The following EPHA3 variants were observed in gnomAD, a reference collection of about 807,000 sequenced individuals.
EPHA3 encodes EPH receptor A3.
EPHA3 carries 42 observed loss-of-function variants against 107.1 expected under a neutral mutation model. The ratio of observed to expected loss-of-function variants is 0.39; its 90% CI spans 0.31 to 0.51. The LOEUF is 0.51. EPHA3 is among the 20% of genes least tolerant of loss of function. The probability of loss-of-function intolerance (pLI) is 0.78; values close to 1 mark genes in which losing one functional copy is unlikely to be tolerated. For missense variants in EPHA3, 1,183 were observed against 1,211.2 expected, an observed-to-expected ratio of 0.98 and a Z score of 0.35; for synonymous variants, 461 against 424.8, an observed-to-expected ratio of 1.09 and a Z score of -1.05.
chr3:89,448,462 C>G (rs1709922401), intron 13 of EPHA3, among the ~76,000 whole-genome samples: 1 of 152,112 alleles, frequency 6.6e-6, no homozygotes. Flanking sequence ...GGTTGACAAT[C>G]AGTACATCTT....
intron 1 of EPHA3, among the ~76,000 whole-genome samples, chr3:89,119,853 T>C (rs186760704): frequency 6.6e-6 from 1 of 152,278 alleles, no homozygotes; most frequent in African/African-American, 2.4e-5. Context: ...ATTCTTTGTT[T>C]CCTATGCTAG....
In EPHA3 at chr3:89,419,388, A is replaced by G. The variant is rs1350231020; in HGVS notation, c.2072A>G (p.Lys691Arg). ...ATTCGACTGGAAGGAGTTGTTACCA[A>G]AAGTAAGTAAAGTAGTCATAAGACC... Reference protein sequence around the residue: ...NIIRLEGVVTKSKPVMIVTEY... With the variant: ...NIIRLEGVVTRSKPVMIVTEY... The change falls in exon 11 of 17, where the codon AAA becomes AGA. Residue 691 changes from lysine to arginine, a missense_variant and splice_region_variant. Coordinates refer to ENST00000336596, the MANE Select transcript of EPHA3 (RefSeq NM_005233.6). 1.3e-6 allele frequency: 2 copies of G among 1,584,384 alleles called. No individual in the cohort carries two copies. Among genetic ancestry groups the G allele is most frequent in the Non-Finnish European group, 1.7e-6 (2 of 1,166,262 alleles).
Position 89,419,232 on chromosome 3 carries a change from G to T in EPHA3, c.1916G>T (p.Arg639Leu). The change falls in exon 11 of 17, where the codon CGC becomes CTC. Residue 639 changes from arginine to leucine, a missense_variant. Transcript: ENST00000336596. ...AGEFGEVCSG[R>L]LKLPSKKEIS... is the part of the protein sequence containing the mutation. ...GAATTTGGAGAGGTGTGCAGTGGTC[G>T]CTTAAAACTTCCTTCAAAAAAAGAG... is the stretch of plus-strand genomic sequence containing the variant. The T allele has an allele frequency of 6.2e-7, 1 of 1,608,822 alleles. No individual in the cohort carries two copies. Among genetic ancestry groups the T allele is most frequent in the Non-Finnish European group, 8.5e-7 (1 of 1,176,942 alleles).
At chr3:89,316,017 C>CT (rs919225127) in intron 3 of EPHA3, among the ~76,000 whole-genome samples, 3 of 151,776 alleles carry the variant, frequency 2.0e-5, no homozygotes, top group African/African-American at 7.3e-5. Context: ...CTTGAAATGC[C>CT]TTTTTAAATA....
At chr3:89,139,916 C>T (rs1704392195) in intron 2 of EPHA3, among the ~76,000 whole-genome samples, 4 of 151,822 alleles carry the variant, frequency 2.6e-5, no homozygotes. Flanking sequence ...GAGTGTCATG[C>T]ATTGCAGCAG....
Position 89,395,964 on chromosome 3 carries a change from G to A in EPHA3, c.1431+3G>A, listed in dbSNP as rs1708842676. On this transcript the variant is annotated splice_donor_region_variant and intron_variant, in intron 6 of 16. Transcript: ENST00000336596. ...ACGAGGTCAAATACTATGAAAAGGT[G>A]GGGAAACAATGTTTAAGGGTTGGGC... 1 of 1,613,672 alleles carries A rather than the reference G, an allele frequency of 6.2e-7. No homozygotes were observed. The highest frequency in any genetic ancestry group is 8.5e-7 in the Non-Finnish European group (1 of 1,179,798).
chr3:89,412,330 A>G lies in EPHA3; in HGVS notation c.1763-811A>G, dbSNP rs192106968. On this transcript the variant is annotated intron_variant, in intron 9 of 16. Coordinates refer to ENST00000336596, the MANE Select transcript of EPHA3 (RefSeq NM_005233.6). ...TTTTACCTTCAGAATAATTTAATGA[A>G]TAAATATAATATGAAGGAGATTTTT... 1.2e-3 allele frequency among the ~76,000 whole-genome samples: 177 copies of G among 151,796 alleles called. 1 individual carries two copies. In the Middle Eastern group the frequency reaches 0.014, roughly 12 times the overall value.
At chr3:89,472,396 C>T (rs1710420852) in intron 15 of EPHA3, 68 bp from the exon 16 acceptor site, 4 of 1,519,230 alleles carry the variant, frequency 2.6e-6, no homozygotes, top group Non-Finnish European at 3.6e-6. Context: ...ATGTTAGTGT[C>T]AAATTTTGAC....
chr3:89,404,786 T>C (rs188551915), intron 7 of EPHA3, among the ~76,000 whole-genome samples: 1 of 152,302 alleles, frequency 6.6e-6, no homozygotes, highest in Non-Finnish European at 1.5e-5. Flanking sequence ...TTTTCTCCTA[T>C]CATAGTTCCC....
At chr3:89,312,096 T>G (rs1272795381) in intron 3 of EPHA3, among the ~76,000 whole-genome samples, 1 of 152,064 alleles carries the variant, frequency 6.6e-6, no homozygotes, top group Non-Finnish European at 1.5e-5. Flanking sequence ...CAGTTTTCTA[T>G]GGTCAGCACA....
chr3:89,200,097 C>G (rs1705936170), intron 2 of EPHA3, among the ~76,000 whole-genome samples: 1 of 152,096 alleles, frequency 6.6e-6, no homozygotes, highest in Non-Finnish European at 1.5e-5. Flanking sequence ...ATAAGAACAG[C>G]TATCCTGTCT....
chr3:89,169,491 CTT>C (rs1367733376), intron 2 of EPHA3, among the ~76,000 whole-genome samples: 2 of 152,092 alleles, frequency 1.3e-5, no homozygotes, highest in Non-Finnish European at 2.9e-5. Context: ...AAACTGCAAT[CTT>C]AAATAAACTG....
chr3:89,371,477 G>T (rs1038057116), intron 5 of EPHA3, among the ~76,000 whole-genome samples: 2 of 151,670 alleles, frequency 1.3e-5, no homozygotes, highest in African/African-American at 4.8e-5. Context: ...ATAGATAAAA[G>T]ATAAGATAAG....
At chr3:89,445,220 C>T (rs1220022931) in intron 13 of EPHA3, among the ~76,000 whole-genome samples, 3 of 152,062 alleles carry the variant, frequency 2.0e-5, no homozygotes, top group Non-Finnish European at 2.9e-5. Context: ...GAGCCGAGAA[C>T]GCACTGCACC....
chr3:89,173,113 A>G (rs1705244229), intron 2 of EPHA3, among the ~76,000 whole-genome samples: 1 of 152,162 alleles, frequency 6.6e-6, no homozygotes, highest in African/African-American at 2.4e-5. Flanking sequence ...ACCAAAAAAG[A>G]TGAGTTTTTT....
chr3:89,469,024 C>T (rs1710347775), intron 15 of EPHA3, among the ~76,000 whole-genome samples: 1 of 151,914 alleles, frequency 6.6e-6, no homozygotes, highest in Non-Finnish European at 1.5e-5. Context: ...TATAGTTTTC[C>T]TGATATTGCT....
intron 2 of EPHA3, among the ~76,000 whole-genome samples, chr3:89,174,508 T>C (rs1705278412): frequency 6.6e-6 from 1 of 152,048 alleles, no homozygotes; most frequent in African/African-American, 2.4e-5. Flanking sequence ...ATTTACATAA[T>C]GTACATATCA....
At chr3:89,189,071 A>C (rs977709372) in intron 2 of EPHA3, among the ~76,000 whole-genome samples, 3 of 152,224 alleles carry the variant, frequency 2.0e-5, no homozygotes, top group Non-Finnish European at 4.4e-5. Flanking sequence ...CTGGAGTTAA[A>C]TGGATTCCAG....
intron 3 of EPHA3, among the ~76,000 whole-genome samples, chr3:89,298,247 A>G (rs1483757778): frequency 6.6e-6 from 1 of 152,122 alleles, no homozygotes; most frequent in African/African-American, 2.4e-5. Flanking sequence ...ACTGAAGGGG[A>G]ACTTTTGCAA....
Sources: gnomAD v4.1 joint callset for allele counts (sites outside exome capture counted in the v4.1 genomes callset) on GRCh38, gnomAD v4.1.1 for gene constraint, MANE v1.5 for transcripts, NCBI Gene and HGNC (gene_info 2026-07-23, HGNC 2026-07-21) for gene names.